The following CELSR1 variants were observed in gnomAD, a reference collection of about 807,000 sequenced individuals.
CELSR1 encodes adhesion G protein-coupled receptor C1.
CELSR1 carries 110 observed loss-of-function variants against 249.1 expected under a neutral mutation model. The ratio of observed to expected loss-of-function variants is 0.44; its 90% confidence interval spans 0.38 to 0.52. CELSR1 has a LOEUF of 0.52. Ranked by LOEUF, CELSR1 falls within the 20% of genes least tolerant of loss-of-function variation. The pLI is 0.00. For missense variants in CELSR1, 4,109 were observed against 4,296.4 expected (o/e 0.96, Z 1.22); for synonymous variants, 2,113 against 1,900.0 (o/e 1.11, Z -2.92).
intron 2 of CELSR1, among the ~76,000 whole-genome samples, chr22:46,459,538 C>G (rs1200435229): frequency 2.0e-5 from 3 of 152,200 alleles, no homozygotes; most frequent in Non-Finnish European, 4.4e-5. Flanking sequence ...GCTCAGAAGC[C>G]AGAATGCCTG....
Position 46,390,354 on chromosome 22 carries a change from G to A in CELSR1, c.6345+38C>T, listed in dbSNP as rs767212570. 47 of 1,505,944 alleles carry A rather than the reference G, an allele frequency of 3.1e-5. No individual in the cohort carries two copies. Among genetic ancestry groups the A allele is most frequent in the Admixed American group, 1.2e-4 (7 of 56,008 alleles). 93.3% of individuals were successfully genotyped at this position (1,505,944 alleles called of 1,614,324 possible). ...CTCTCACGCATACACGAACACACAC[G>A]TGCCCCTGCTGAACACACATCCCCG... On this transcript the variant is annotated intron_variant, in intron 17 of 34. Transcript: ENST00000674500. The surrounding 1 kb of genome is among the most constrained non-coding windows in gnomAD (Gnocchi z 6.3).
At position 46,413,641 on chromosome 22, in the gene CELSR1, T is replaced by C. The variant is rs566837060; in HGVS notation, c.4612-1882A>G. Among the ~76,000 whole-genome samples the C allele has an allele frequency of 1.3e-5, 2 of 152,316 alleles. No homozygotes were observed. The highest frequency in any genetic ancestry group is 4.1e-4 in the South Asian group (2 of 4,824). Reference sequence around the variant, plus strand: ...GGTATTCGAATGCATGGATCACCTTTTTCATTTTTCTTTTACATCAGCTGA... The same window carrying C: ...GGTATTCGAATGCATGGATCACCTTCTTCATTTTTCTTTTACATCAGCTGA... On this transcript the variant is annotated intron_variant, in intron 5 of 34. Transcript: ENST00000674500. This position sits in a 1 kb window ranked among gnomAD's most constrained non-coding sequence, Gnocchi z 4.7.
intron 1 of CELSR1, among the ~76,000 whole-genome samples, chr22:46,511,739 G>A (rs2080576019): frequency 1.3e-5 from 2 of 152,294 alleles, no homozygotes; most frequent in Middle Eastern, 3.4e-3. Flanking sequence ...GGGAAGGCAG[G>A]GAGAGTAGGG....
At position 46,409,947 on chromosome 22, in the gene CELSR1, G is replaced by A. The variant is rs1411033808; in HGVS notation, c.4934-67C>T. The A allele has an allele frequency of 2.0e-5, 32 of 1,594,580 alleles. No individual in the cohort carries two copies. The highest frequency in any genetic ancestry group is 1.5e-4 in the South Asian group (14 of 90,442). On this transcript the variant is annotated intron_variant, in intron 7 of 34. Transcript: ENST00000674500. This position sits in a 1 kb window ranked among gnomAD's most constrained non-coding sequence, Gnocchi z 9.8. ...CCGCCCGGGGTCCCCGGCGCCAGAC[G>A]TGGCGTGGGAAACCAGGACGGAATG...
rs978926438 is a variant in CELSR1, at chr22:46,472,178, G to A, written c.3545-7833C>T. 1.3e-5 allele frequency among the ~76,000 whole-genome samples: 2 copies of A among 152,222 alleles called. No homozygotes were observed. The highest frequency in any genetic ancestry group is 4.8e-5 in the African/African-American group (2 of 41,460). Reference sequence around the variant, plus strand: ...GGAGACAGAGCAGACGGCAGAGCGCGAGGCTGCGGGGCCCTCCTGGCAGGT... The same window carrying A: ...GGAGACAGAGCAGACGGCAGAGCGCAAGGCTGCGGGGCCCTCCTGGCAGGT... On this transcript the variant is annotated intron_variant, in intron 1 of 34. Transcript: ENST00000674500. This position sits in a 1 kb window ranked among gnomAD's most constrained non-coding sequence, Gnocchi z 7.0.
rs762887690 is a variant in CELSR1 at position 46,536,483 on chromosome 22, C to A, written c.688G>T (p.Ala230Ser). ...CTCGTGCCCCGCCGGGCCCGTCGCG[C>A]CGGCCCCGCCCGGGCTTCGGGCAAG... ...PNLPEARAGP[A>S]RRARRGTSGR... The change falls in exon 1 of 35, where the codon GCG becomes TCG. Residue 230 changes from alanine (A) to serine (S), a missense_variant. By Grantham distance (99) the Ala-to-Ser change is moderately conservative. Around this residue, in one of 7 missense-constraint regions of CELSR1, gnomAD observed 673 missense variants for 636.8 expected, o/e 1.06. Transcript: ENST00000674500. 1.2e-5 allele frequency: 19 copies of A among 1,592,984 alleles called. No homozygotes were observed. The highest frequency in any genetic ancestry group is 1.5e-5 in the Non-Finnish European group (18 of 1,171,256).
chr22:46,452,754 A>G (rs6520013), intron 2 of CELSR1, among the ~76,000 whole-genome samples: 68,191 of 152,148 alleles, frequency 0.45, 16,431 homozygotes, highest in African/African-American at 0.63. Context: ...TCCTACCTAG[A>G]GGGGACAGGG....
At position 46,409,151 on chromosome 22, in the gene CELSR1, G is replaced by A. The variant is rs1162188171; in HGVS notation, c.5071C>T (p.Pro1691Ser). The change falls in exon 9 of 35, where the codon CCC becomes TCC. Residue 1691 changes from proline to serine, a missense_variant. Transcript: ENST00000674500. The surrounding 1 kb of genome is among the most constrained non-coding windows in gnomAD (Gnocchi z 9.8). ...ACGCTCTCACCGCTGAAGAGCTGGG[G>A]GTGAGGCATGGCTGCGGACACAGGC... ...GKNCEQAMPH[P>S]QLFSGESVVS... The A allele has an allele frequency of 1.2e-6, 2 of 1,613,074 alleles. No individual in the cohort carries two copies. Among genetic ancestry groups the A allele is most frequent in the Non-Finnish European group, 8.5e-7 (1 of 1,179,640 alleles).
At position 46,505,211 on chromosome 22, in the gene CELSR1, G is replaced by A. The variant is rs530397449; in HGVS notation, c.3544+28416C>T. On this transcript the variant is annotated intron_variant, in intron 1 of 34. Coordinates refer to ENST00000674500, the MANE Select transcript of CELSR1 (RefSeq NM_001378328.1). ...CGGGAGGCAGAGCTTGCAATGAGCC[G>A]AGATGGCGCCACTGCACTCCAGCCT... is the stretch of plus-strand genomic sequence containing the variant. 1.4e-3 allele frequency among the ~76,000 whole-genome samples: 201 copies of A among 139,986 alleles called. 1 individual carries two copies. Among genetic ancestry groups the A allele is most frequent in the African/African-American group, 5.2e-3 (191 of 36,660 alleles). 91.8% of individuals were successfully genotyped at this position (139,986 alleles called of 152,430 possible).
At chr22:46,439,496 AC>A in intron 2 of CELSR1, 85 bp from the exon 3 acceptor site, 3 of 1,087,842 alleles carry the variant, frequency 2.8e-6, no homozygotes, top group Non-Finnish European at 2.7e-6. Flanking sequence ...CCCTGGACAC[AC>A]CCCAGCCACA....
intron 2 of CELSR1, 64 bp from the exon 3 acceptor site, chr22:46,439,475 C>T: frequency 7.1e-7 from 1 of 1,399,828 alleles, no homozygotes; most frequent in Non-Finnish European, 9.8e-7. Flanking sequence ...AGCCAACGAG[C>T]CTGTCGCAGA....
chr22:46,369,245 G>C lies in CELSR1; in HGVS notation c.7886C>G (p.Thr2629Ser), dbSNP rs748717228. Residue 2629 changes from threonine to serine, a missense_variant, in exon 27 of 35, where the codon ACT becomes AGT. By Grantham distance (58) the Thr-to-Ser change is moderately conservative. Transcript: ENST00000674500. Reference sequence around the variant, plus strand: ...GGAAACCTTTGCAGATAGGACAGAAGTGACTGTGTTGATCTGAAAACAAAA... The same window carrying C: ...GGAAACCTTTGCAGATAGGACAGAACTGACTGTGTTGATCTGAAAACAAAA... ...IGAVIIINTVTSVLSAKVSCQ... is the reference protein window; with the variant it reads ...IGAVIIINTVSSVLSAKVSCQ... 8.1e-6 allele frequency: 13 copies of C among 1,613,600 alleles called. No individual in the cohort carries two copies. The highest frequency in any genetic ancestry group is 1.0e-5 in the Non-Finnish European group (12 of 1,179,898).
chr22:46,458,308 C>T (rs549182691), intron 2 of CELSR1, among the ~76,000 whole-genome samples: 1 of 152,262 alleles, frequency 6.6e-6, no homozygotes, highest in South Asian at 2.1e-4. Context: ...CCGGTCACCC[C>T]AGGAAGGCCT....
Position 46,389,352 on chromosome 22 carries a change from G to T in CELSR1, c.6493C>A (p.Gln2165Lys). ...AAGCCCTGCTGCCAGCTCTCGTGCT[G>T]AAGGACGTGGCCCAGCAGCTGGTAG... Reference protein sequence around the residue: ...TAYQLLGHVLQHESWQQGFDL... With the variant: ...TAYQLLGHVLKHESWQQGFDL... The change falls in exon 18 of 35, where the codon CAG becomes AAG. Residue 2165 changes from glutamine (Q) to lysine (K), a missense_variant. Coordinates refer to ENST00000674500, the MANE Select transcript of CELSR1 (RefSeq NM_001378328.1). 1 of 1,610,982 alleles carries T rather than the reference G, an allele frequency of 6.2e-7. No individual in the cohort carries two copies. Among genetic ancestry groups the T allele is most frequent in the Non-Finnish European group, 8.5e-7 (1 of 1,179,866 alleles).
intron 5 of CELSR1, among the ~76,000 whole-genome samples, chr22:46,420,460 GCACT>G (rs1276001711): frequency 1.3e-5 from 2 of 151,872 alleles, no homozygotes; most frequent in African/African-American, 4.8e-5. Flanking sequence ...TCACCCAGGT[GCACT>G]CACCCACTCA....
At position 46,366,466 on chromosome 22, in the gene CELSR1, G is replaced by A. The variant is rs2078783513; in HGVS notation, c.8220C>T (p.Cys2740=). The A allele has an allele frequency of 1.9e-6, 3 of 1,550,448 alleles. No individual in the cohort carries two copies. The highest frequency in any genetic ancestry group is 4.9e-5 in the East Asian group (2 of 40,908). ...CAGGCCCGTCACCGAAGGTGGTGTT[G>A]CAGTTGAGGGAGCGCTGAAGGGAGG... is the stretch of plus-strand genomic sequence containing the variant. ...RATLLTRSLN[C]NTTFGDGPDM... The change falls in exon 30 of 35, where the codon TGC becomes TGT. Residue 2740 remains cysteine (C), a synonymous_variant. Transcript: ENST00000674500.
In CELSR1 at chr22:46,473,608, G is replaced by A. The variant is rs78035227; in HGVS notation, c.3545-9263C>T. Among the ~76,000 whole-genome samples, 4,313 of 152,238 alleles carry A rather than the reference G, an allele frequency of 0.028. 182 individuals carry two copies. The highest frequency in any genetic ancestry group is 0.097 in the African/African-American group (4,036 of 41,524). ...GGTTAGGGCAGCCCATGATGCCCTC[G>A]GGGTCCAGAGTCATTCCCCGTGGCC... On this transcript the variant is annotated intron_variant, in intron 1 of 34. Coordinates refer to ENST00000674500, the MANE Select transcript of CELSR1 (RefSeq NM_001378328.1). The surrounding 1 kb of genome is among the most constrained non-coding windows in gnomAD (Gnocchi z 6.6).
intron 1 of CELSR1, among the ~76,000 whole-genome samples, chr22:46,509,135 T>TG (rs1450320697): frequency 2.0e-5 from 3 of 152,132 alleles, no homozygotes; most frequent in Non-Finnish European, 4.4e-5. Flanking sequence ...AGTGAGGGGC[T>TG]GGGGGGCTGC....
At chr22:46,493,647 T>C (rs932920439) in intron 1 of CELSR1, among the ~76,000 whole-genome samples, 5 of 152,162 alleles carry the variant, frequency 3.3e-5, no homozygotes, top group African/African-American at 1.2e-4. Context: ...TTCCCACGTG[T>C]TGTGGCAGGG....
Sources: allele counts gnomAD v4.1 joint callset (sites outside exome capture counted in the v4.1 genomes callset), GRCh38; gene constraint gnomAD v4.1.1; regional missense constraint gnomAD v4.1.1; non-coding constraint Gnocchi (gnomAD v3.1); transcripts MANE v1.5; gene names NCBI Gene and HGNC (gene_info 2026-07-23, HGNC 2026-07-21).